The following FBLN7 variants were observed in gnomAD, a reference collection of about 807,000 sequenced individuals.
FBLN7 encodes the protein fibulin 7, also known as fibulin-7.
A neutral mutation model predicts 44.0 loss-of-function variants in FBLN7; 31 were observed. That is an observed-to-expected ratio of 0.70 (90% CI 0.53 to 0.95). The LOEUF (loss-of-function observed/expected upper bound fraction) is 0.95. Among genes scored for constraint, FBLN7 ranks in the 40% least tolerant of loss-of-function variants. The pLI is 0.00. For missense variants in FBLN7, 573 were observed against 618.5 expected (o/e 0.93, Z 0.78); for synonymous variants, 262 against 253.4 (o/e 1.03, Z -0.32).
chr2:112,197,333 A>G, the FBLN7 span, among the ~76,000 whole-genome samples: 1 of 151,740 alleles, frequency 6.6e-6, no homozygotes, highest in Non-Finnish European at 1.5e-5. Context: ...GCAGAGAGAG[A>G]GAGAAAAGAC....
At chr2:112,237,540 T>A in the FBLN7 span, among the ~76,000 whole-genome samples, 1 of 151,942 alleles carries the variant, frequency 6.6e-6, no homozygotes. Context: ...CCATTTTAAG[T>A]AAAGAAAACA....
chr2:112,229,475 T>C, the FBLN7 span, among the ~76,000 whole-genome samples: 2 of 152,230 alleles, frequency 1.3e-5, no homozygotes, highest in Non-Finnish European at 2.9e-5. Context: ...CAATGGGTTA[T>C]AAGTAAATGT....
In FBLN7 at chr2:112,138,668, T is replaced by A; in HGVS notation, c.13T>A (p.Ser5Thr). 1 of 1,613,438 alleles carries A rather than the reference T, an allele frequency of 6.2e-7. No homozygotes were observed. MVPS[S>T]PRALFLLLLI... is the part of the protein sequence containing the mutation. ...TCCGACTGGCAAGATGGTGCCCAGC[T>A]CTCCGCGCGCGCTCTTCCTTCTGCT... is the stretch of plus-strand genomic sequence containing the variant. Residue 5 changes from serine (S) to threonine (T), a missense_variant, in exon 1 of 8, where the codon TCT becomes ACT. Ser to Thr is a moderately conservative substitution (Grantham distance 58). Coordinates refer to ENST00000331203, the MANE Select transcript of FBLN7 (RefSeq NM_153214.3).
At chr2:112,232,483 C>T in the FBLN7 span, among the ~76,000 whole-genome samples, 27 of 152,146 alleles carry the variant, frequency 1.8e-4, no homozygotes, top group African/African-American at 6.0e-4. Flanking sequence ...TCCTTCATAT[C>T]CATTCTTATA....
the FBLN7 span, among the ~76,000 whole-genome samples, chr2:112,219,394 G>A: frequency 6.6e-6 from 1 of 152,172 alleles, no homozygotes; most frequent in Non-Finnish European, 1.5e-5. Flanking sequence ...AAACAGTGAA[G>A]TTGGACCACT....
In FBLN7 at chr2:112,178,799, A is replaced by G. The variant is rs182927667; in HGVS notation, c.533-2940A>G. ...AAAAAGGCTTTTGATGAAATTCAAC[A>G]TCTCTTCATGTTAAAAACTCTCAAC... is the stretch of plus-strand genomic sequence containing the variant. On this transcript the variant is annotated intron_variant, in intron 4 of 7. Coordinates refer to ENST00000331203, the MANE Select transcript of FBLN7 (RefSeq NM_153214.3). 2.2e-4 allele frequency among the ~76,000 whole-genome samples: 33 copies of G among 152,344 alleles called. 1 individual carries two copies. In the East Asian group the frequency reaches 6.2e-3, roughly 28 times the overall value.
chr2:112,196,374 C>CTTTTTTTTT, the FBLN7 span, among the ~76,000 whole-genome samples: 8 of 63,266 alleles, frequency 1.3e-4, no homozygotes, highest in Non-Finnish European at 1.7e-4. Context: ...TCTTCTTCTT[C>CTTTTTTTTT]TTTTTTTTTT....
At chr2:112,202,997 T>G in the FBLN7 span, among the ~76,000 whole-genome samples, 19 of 152,240 alleles carry the variant, frequency 1.2e-4, no homozygotes, top group African/African-American at 4.6e-4. Context: ...ACTGGAGGTG[T>G]TGTTACCTCC....
chr2:112,185,750 T>C (rs1173378785), intron 7 of FBLN7, among the ~76,000 whole-genome samples: 1 of 152,116 alleles, frequency 6.6e-6, no homozygotes, highest in Non-Finnish European at 1.5e-5. Flanking sequence ...CCAGGAACTA[T>C]AGACTCCCTT....
At chr2:112,229,723 G>A in the FBLN7 span, among the ~76,000 whole-genome samples, 2 of 152,112 alleles carry the variant, frequency 1.3e-5, no homozygotes, top group Non-Finnish European at 2.9e-5. Flanking sequence ...GAACCTTGTA[G>A]TTGTTTTTGC....
At chr2:112,178,744 G>A (rs957137458) in intron 4 of FBLN7, among the ~76,000 whole-genome samples, 18 of 152,052 alleles carry the variant, frequency 1.2e-4, no homozygotes, top group African/African-American at 4.3e-4. Context: ...AGAACTAAAA[G>A]CAAAACTACA....
At chr2:112,185,055 A>G (rs1261032942) in intron 6 of FBLN7, 146 bp from the exon 7 acceptor site, 2 of 1,128,246 alleles carry the variant, frequency 1.8e-6, no homozygotes, top group South Asian at 1.7e-5. Flanking sequence ...CCACACAGTT[A>G]AGGAAGGCAG....
chr2:112,144,766 C>T (rs1251802069), intron 1 of FBLN7, among the ~76,000 whole-genome samples: 4 of 152,106 alleles, frequency 2.6e-5, no homozygotes, highest in South Asian at 2.1e-4. Flanking sequence ...ACCTTGTGAT[C>T]CACCCGCCTC....
the FBLN7 span, among the ~76,000 whole-genome samples, chr2:112,242,167 CT>C: frequency 6.6e-6 from 1 of 152,200 alleles, no homozygotes; most frequent in African/African-American, 2.4e-5. Flanking sequence ...AAATCTAGAG[CT>C]GGAGTCAGTG....
the FBLN7 span, among the ~76,000 whole-genome samples, chr2:112,195,240 A>G: frequency 6.6e-6 from 1 of 152,198 alleles, no homozygotes; most frequent in South Asian, 2.1e-4. Flanking sequence ...GAGAAATTAG[A>G]TCGTAGCAAT....
At chr2:112,233,301 T>C in the FBLN7 span, 22 of 1,601,484 alleles carry the variant, frequency 1.4e-5, no homozygotes, top group Non-Finnish European at 1.9e-5. Context: ...ACAATATCCT[T>C]GTACATAAAA....
downstream of FBLN7, chr2:112,188,266 G>C (rs891927854): frequency 6.6e-6 from 1 of 152,226 alleles, no homozygotes; most frequent in Non-Finnish European, 1.5e-5. Context: ...CTTCTAGGAG[G>C]GGGTGGCTGA....
chr2:112,183,744 G>A (rs143509502), intron 6 of FBLN7, among the ~76,000 whole-genome samples: 5 of 152,228 alleles, frequency 3.3e-5, no homozygotes, highest in East Asian at 1.9e-4. Flanking sequence ...CTGGAGGGCC[G>A]GGTTGAGGTT....
chr2:112,195,838 G>A, the FBLN7 span, among the ~76,000 whole-genome samples: 1 of 152,200 alleles, frequency 6.6e-6, no homozygotes, highest in Admixed American at 6.5e-5. Flanking sequence ...CAAGGTGATG[G>A]ACAAGGCACA....
Sources: gnomAD v4.1 joint callset for allele counts (sites outside exome capture counted in the v4.1 genomes callset) on GRCh38, gnomAD v4.1.1 for gene constraint, MANE v1.5 for transcripts, NCBI Gene and HGNC (gene_info 2026-07-23, HGNC 2026-07-21) for gene names.